GRXCR2: variants seen among roughly 807,000 people sequenced by gnomAD.
GRXCR2 encodes the protein glutaredoxin and cysteine rich domain containing 2.
Under a neutral mutation model 24.8 loss-of-function variants are expected in GRXCR2, and 23 were observed. That is an observed-to-expected ratio of 0.93 (90% CI 0.67 to 1.32). The LOEUF is 1.32. Ranked by LOEUF, GRXCR2 falls within the 40% of genes most tolerant of loss-of-function variation. The pLI is 0.00. For missense variants in GRXCR2, 315 were observed against 303.4 expected (o/e 1.04, Z -0.28); for synonymous variants, 130 against 116.1 (o/e 1.12, Z -0.77).
At chr5:145,927,760 G>T (rs1183274983) in intron 2 of GRXCR2, among the ~76,000 whole-genome samples, 1 of 152,208 alleles carries the variant, frequency 6.6e-6, no homozygotes, top group African/African-American at 2.4e-5. Flanking sequence ...AGTTAGGGAG[G>T]ATTCCCTCTT....
chr5:145,916,192 G>A (rs1549902), intron 2 of GRXCR2, among the ~76,000 whole-genome samples: 32,217 of 151,978 alleles, frequency 0.21, 4,016 homozygotes, highest in East Asian at 0.61. Flanking sequence ...AAGAAAAGAA[G>A]GGAAGTGACA....
chr5:145,921,953 C>A (rs1483003131), intron 2 of GRXCR2, among the ~76,000 whole-genome samples: 1 of 152,044 alleles, frequency 6.6e-6, no homozygotes, highest in African/African-American at 2.4e-5. Context: ...TTCAAGGAGA[C>A]ATAAAATGAT....
Position 145,866,586 on chromosome 5 carries a change from T to C in GRXCR2, c.479A>G (p.Lys160Arg). The change falls in exon 2 of 3, where the codon AAA (lysine) becomes AGA (arginine). Residue 160 changes from lysine to arginine, a missense_variant. Lys to Arg is a conservative substitution (Grantham distance 26). Coordinates refer to ENST00000377976, the MANE Select transcript of GRXCR2 (RefSeq NM_001080516.2). ...GTCCCTGCCTCCATAGCTTTCTTCT[T>C]TGTTCATCAGAGACTCTTCCTCAGC... ...EEAEEESLMNKEESYGGRDQH... is the reference protein window; with the variant it reads ...EEAEEESLMNREESYGGRDQH... 1 of 1,614,154 alleles carries C rather than the reference T, an allele frequency of 6.2e-7. No individual in the cohort carries two copies.
chr5:145,920,797 G>C (rs1757310905), intron 2 of GRXCR2, among the ~76,000 whole-genome samples: 1 of 152,224 alleles, frequency 6.6e-6, no homozygotes, highest in Non-Finnish European at 1.5e-5. Flanking sequence ...TAACCCCCAA[G>C]GTGATGTTAT....
intron 2 of GRXCR2, among the ~76,000 whole-genome samples, chr5:145,902,081 T>C (rs191791802): frequency 2.0e-3 from 306 of 152,242 alleles, no homozygotes; most frequent in African/African-American, 7.1e-3. Flanking sequence ...AGATACACCA[T>C]AGCTGATATA....
intron 1 of GRXCR2, among the ~76,000 whole-genome samples, chr5:145,868,475 T>C (rs1756471362): frequency 2.0e-5 from 3 of 152,164 alleles, no homozygotes; most frequent in Admixed American, 2.0e-4. Flanking sequence ...TCTCTCCCTT[T>C]CTTCAAGGGA....
upstream of GRXCR2, chr5:145,873,105 A>G (rs1157229973): frequency 1.5e-6 from 1 of 659,412 alleles, no homozygotes; most frequent in African/African-American, 1.8e-5. Flanking sequence ...GTCAGTTTAC[A>G]GCAACTGACA....
Position 145,870,550 on chromosome 5 carries a change from A to G in GRXCR2, c.336+2083T>C, listed in dbSNP as rs116129651. ...AATGCTGCTATGAACAATGTTGTAC[A>G]TATATCTGTTTGAGTTCAGAGCCCT... On this transcript the variant is annotated intron_variant, in intron 1 of 2. Transcript: ENST00000377976. Among the ~76,000 whole-genome samples, 454 of 152,294 alleles carry G rather than the reference A, an allele frequency of 3.0e-3. 2 individuals are homozygous for G. The highest frequency in any genetic ancestry group is 0.011 in the African/African-American group (443 of 41,568).
At position 145,866,590 on chromosome 5, in the gene GRXCR2, T is replaced by C. The variant is rs1756441124; in HGVS notation, c.475A>G (p.Asn159Asp). 1 of 1,614,170 alleles carries C rather than the reference T, an allele frequency of 6.2e-7. No homozygotes were observed. The stretch of plus-strand genomic sequence containing the variant: ...CTGCCTCCATAGCTTTCTTCTTTGT[T>C]CATCAGAGACTCTTCCTCAGCCTCC... ...EEEAEEESLM[N>D]KEESYGGRDQ... is the part of the protein sequence containing the mutation. Residue 159 changes from asparagine to aspartate, a missense_variant, in exon 2 of 3, where the codon AAC becomes GAC. Asn to Asp is a conservative substitution (Grantham distance 23). Coordinates refer to ENST00000377976, the MANE Select transcript of GRXCR2 (RefSeq NM_001080516.2).
At chr5:145,910,992 TA>T (rs1215749233) in intron 2 of GRXCR2, among the ~76,000 whole-genome samples, 1 of 150,556 alleles carries the variant, frequency 6.6e-6, no homozygotes, top group Non-Finnish European at 1.5e-5. Flanking sequence ...GCTTCTTTTG[TA>T]TTTTTTTTTT....
At chr5:145,901,499 G>A (rs1446260130) in intron 2 of GRXCR2, among the ~76,000 whole-genome samples, 1 of 152,164 alleles carries the variant, frequency 6.6e-6, no homozygotes, top group Non-Finnish European at 1.5e-5. Context: ...AACAACAAAA[G>A]CAGAGGTAAA....
At chr5:145,886,911 C>T (rs979610161) in intron 2 of GRXCR2, among the ~76,000 whole-genome samples, 8 of 152,106 alleles carry the variant, frequency 5.3e-5, no homozygotes, top group African/African-American at 1.9e-4. Flanking sequence ...GTGTATTTTA[C>T]TTAGCATCTC....
chr5:145,914,528 T>G (rs1039185224), intron 2 of GRXCR2, among the ~76,000 whole-genome samples: 1 of 151,518 alleles, frequency 6.6e-6, no homozygotes, highest in African/African-American at 2.4e-5. Flanking sequence ...ATACAAAAAT[T>G]AACCAGGCGT....
At chr5:145,903,703 G>A (rs539363833) in intron 2 of GRXCR2, among the ~76,000 whole-genome samples, 19 of 152,284 alleles carry the variant, frequency 1.2e-4, no homozygotes, top group Admixed American at 5.2e-4. Context: ...TAACTGTGGA[G>A]GTTATGGGAA....
chr5:145,876,094 G>C (rs139171545), upstream of GRXCR2, among the ~76,000 whole-genome samples: 20 of 151,214 alleles, frequency 1.3e-4, no homozygotes, highest in Non-Finnish European at 2.2e-4. Context: ...TTGAGCCCAG[G>C]AGTTTGAGGC....
At chr5:145,921,231 T>A (rs73308202) in intron 2 of GRXCR2, among the ~76,000 whole-genome samples, 2,647 of 152,330 alleles carry the variant, frequency 0.017, 94 homozygotes, top group African/African-American at 0.061. Flanking sequence ...GTTTAGTCTG[T>A]CTTTAAAGAC....
Position 145,872,724 on chromosome 5 carries a change from G to A in GRXCR2, c.245C>T (p.Ala82Val), listed in dbSNP as rs761721131. Reference sequence around the variant, plus strand: ...CTCTCTAAACACACTGATCCTCTGAGCAGTCAGCTTAGGGGAGCACATCTG... The same window carrying A: ...CTCTCTAAACACACTGATCCTCTGAACAGTCAGCTTAGGGGAGCACATCTG... The part of the protein sequence containing the change: ...RPQMCSPKLT[A>V]QRISVFREGN... Residue 82 changes from alanine to valine, a missense_variant, in exon 1 of 3, where the codon GCT (alanine) becomes GTT (valine). Physicochemically the swap from Ala to Val is moderately conservative, Grantham distance 64. Coordinates refer to ENST00000377976, the MANE Select transcript of GRXCR2 (RefSeq NM_001080516.2). 6 of 1,613,568 alleles carry A rather than the reference G, an allele frequency of 3.7e-6. No homozygotes were observed. Among genetic ancestry groups the A allele is most frequent in the Non-Finnish European group, 5.1e-6 (6 of 1,179,582 alleles).
chr5:145,882,623 A>G (rs541612796), intron 2 of GRXCR2, among the ~76,000 whole-genome samples: 1 of 152,202 alleles, frequency 6.6e-6, no homozygotes, highest in African/African-American at 2.4e-5. Context: ...GCGATTCCTC[A>G]AGGATCTAGA....
Position 145,865,835 on chromosome 5 carries a change from C to A in GRXCR2, c.564+666G>T, listed in dbSNP as rs1269742459. ...ACCAATAATAGAAGAACAAGTGAAC[C>A]CATAAGAAAAGATAGGGCCAGGCCA... On this transcript the variant is annotated intron_variant, in intron 2 of 2. Coordinates refer to ENST00000377976, the MANE Select transcript of GRXCR2 (RefSeq NM_001080516.2). Among the ~76,000 whole-genome samples, 5 of 151,950 alleles carry A rather than the reference C, an allele frequency of 3.3e-5. No homozygotes were observed. In the East Asian group the frequency reaches 9.6e-4, roughly 29 times the overall value.
Sources: gnomAD v4.1 joint callset for allele counts (sites outside exome capture counted in the v4.1 genomes callset) on GRCh38, gnomAD v4.1.1 for gene constraint, MANE v1.5 for transcripts, NCBI Gene and HGNC (gene_info 2026-07-23, HGNC 2026-07-21) for gene names.